CREBBP: variants seen among roughly 807,000 people sequenced by gnomAD.
The protein encoded by CREBBP is CREB-binding protein.
In CREBBP, 19 loss-of-function variants were observed where a neutral mutation model predicts 265.0. The observed-to-expected ratio is 0.07, with a 90% CI of 0.05 to 0.11. CREBBP has a LOEUF of 0.11. Ranked by LOEUF, CREBBP falls within the 10% of genes least tolerant of loss-of-function variation. The pLI is 1.00. For missense variants in CREBBP, 2,525 were observed against 3,219.0 expected (o/e 0.78, Z 5.22); for synonymous variants, 1,457 against 1,223.7 (o/e 1.19, Z -3.98).
chr16:3,778,041 T>C lies in CREBBP; in HGVS notation c.2083A>G (p.Ile695Val). 1 of 1,614,196 alleles carries C rather than the reference T, an allele frequency of 6.2e-7. No individual in the cohort carries two copies. The highest frequency in any genetic ancestry group is 8.5e-7 in the Non-Finnish European group (1 of 1,179,996). ...GGTCTCACAGGTTGTGCCTGTGGAA[T>C]CACAGGGGGCTGAGCCCCCGGGGCT... The part of the protein sequence containing the change: ...LPAPGAQPPV[I>V]PQAQPVRPPN... The change falls in exon 10 of 31, where the codon ATT becomes GTT. Residue 695 changes from isoleucine (I) to valine (V), a missense_variant. Around this residue, in one of 19 missense-constraint regions of CREBBP, gnomAD observed 548 missense variants for 533.0 expected, o/e 1.03. Transcript: ENST00000262367.
At chr16:3,748,104 A>AATAAATAC (rs1555476083) in intron 21 of CREBBP, among the ~76,000 whole-genome samples, 2 of 150,680 alleles carry the variant, frequency 1.3e-5, no homozygotes, top group South Asian at 2.1e-4. Context: ...AATAAAAATA[A>AATAAATAC]ATACATACAT....
intron 1 of CREBBP, among the ~76,000 whole-genome samples, chr16:3,867,176 T>C (rs1226885933): frequency 2.0e-5 from 3 of 152,096 alleles, no homozygotes; most frequent in Non-Finnish European, 2.9e-5. Context: ...ATTCCAGGAA[T>C]TGAGAAACAA....
In CREBBP at chr16:3,769,270, T is replaced by C. The variant is rs757724900; in HGVS notation, c.2964A>G (p.Pro988=). The C allele has an allele frequency of 7.4e-6, 12 of 1,614,054 alleles. No individual in the cohort carries two copies. The highest frequency in any genetic ancestry group is 2.7e-5 in the African/African-American group (2 of 74,912). Residue 988 remains proline, a synonymous_variant, in exon 15 of 31, where the codon CCA becomes CCG. Transcript: ENST00000262367. ...VASAETNSQQ[P]GPDVPVLEMK... ...TTTCCAGCACAGGTACGTCAGGTCC[T>C]GGCTGCTGGGAATTGGTTTCTGCGC...
chr16:3,825,118 T>C (rs1271496702), intron 2 of CREBBP, among the ~76,000 whole-genome samples: 2 of 152,184 alleles, frequency 1.3e-5, no homozygotes, highest in Non-Finnish European at 2.9e-5. Flanking sequence ...CAGGCATGCA[T>C]CCTTACTACA....
chr16:3,752,110 G>A (rs1186681334), intron 19 of CREBBP, among the ~76,000 whole-genome samples: 1 of 152,086 alleles, frequency 6.6e-6, no homozygotes, highest in Non-Finnish European at 1.5e-5. Context: ...ACACATCACA[G>A]GCCATCATCA....
At chr16:3,751,848 T>A in intron 19 of CREBBP, 42 bp from the exon 20 acceptor site, 1 of 1,592,912 alleles carries the variant, frequency 6.3e-7, no homozygotes, top group Non-Finnish European at 8.6e-7. Context: ...TGGTCCATCA[T>A]AACACACAGC....
rs760841854 is a variant in CREBBP, at chr16:3,774,553, G to A, written c.2283+16C>T. The A allele has an allele frequency of 1.5e-5, 25 of 1,613,866 alleles. No individual in the cohort carries two copies. Among genetic ancestry groups the A allele is most frequent in the East Asian group, 1.1e-4 (5 of 44,892 alleles). On this transcript the variant is annotated intron_variant, in intron 12 of 30. Transcript: ENST00000262367. ...GAGGGAGGGCTATCTGCAGCACAGC[G>A]AAAGAGAACACTTACCCCTGGCACT...
chr16:3,852,160 T>G (rs1192604189), intron 1 of CREBBP, among the ~76,000 whole-genome samples: 3 of 92,578 alleles, frequency 3.2e-5, no homozygotes, highest in Non-Finnish European at 4.5e-5. Context: ...TAAATTTGTT[T>G]TTTTTTTTTT....
At chr16:3,802,491 T>C (rs555921828) in intron 3 of CREBBP, among the ~76,000 whole-genome samples, 10 of 152,242 alleles carry the variant, frequency 6.6e-5, no homozygotes, top group African/African-American at 2.4e-4. Flanking sequence ...TATTGCTACA[T>C]AGGTTTTGGG....
rs372005280 is a variant in CREBBP at position 3,727,825 on chromosome 16, T to A, written c.7222A>T (p.Met2408Leu). 6.2e-7 allele frequency: 1 copy of A among 1,614,104 alleles called. No homozygotes were observed. Among genetic ancestry groups the A allele is most frequent in the Non-Finnish European group, 8.5e-7 (1 of 1,180,024 alleles). Residue 2408 changes from methionine (M) to leucine (L), a missense_variant, in exon 31 of 31, where the codon ATG becomes TTG. Physicochemically the swap from Met to Leu is conservative, Grantham distance 15. Transcript: ENST00000262367. The part of the protein sequence containing the change: ...GHLGNPEQSA[M>L]LPQLNTPSRS... Reference sequence around the variant, plus strand: ...CTGGGGGTGTTCAGCTGGGGGAGCATTGCACTCTGTTCGGGGTTCCCCAAG... The same window carrying A: ...CTGGGGGTGTTCAGCTGGGGGAGCAATGCACTCTGTTCGGGGTTCCCCAAG...
Position 3,729,382 on chromosome 16 carries a change from G to T in CREBBP, c.5665C>A (p.Pro1889Thr), listed in dbSNP as rs2151309150. Residue 1889 changes from proline to threonine, a missense_variant, in exon 31 of 31, where the codon CCG becomes ACG. Pro to Thr is a conservative substitution (Grantham distance 38, BLOSUM62 -1). Around this residue, in one of 19 missense-constraint regions of CREBBP, gnomAD observed 53 missense variants for 146.3 expected, o/e 0.36. Transcript: ENST00000262367. The part of the protein sequence containing the change: ...QQSLPSPTSA[P>T]PGTPTQQPST... ...GGCTGCTGTGTGGGGGTCCCGGGCGGTGCTGAGGTAGGAGAAGGCAGACTC... is the reference window on the plus strand; with the variant it reads ...GGCTGCTGTGTGGGGGTCCCGGGCGTTGCTGAGGTAGGAGAAGGCAGACTC... 1 of 1,610,516 alleles carries T rather than the reference G, an allele frequency of 6.2e-7. No individual in the cohort carries two copies. Among genetic ancestry groups the T allele is most frequent in the Non-Finnish European group, 8.5e-7 (1 of 1,179,782 alleles).
At chr16:3,785,224 T>C (rs1309081815) in intron 5 of CREBBP, among the ~76,000 whole-genome samples, 3 of 152,206 alleles carry the variant, frequency 2.0e-5, no homozygotes, top group African/African-American at 7.2e-5. Context: ...CATGGTGGTA[T>C]TCCCAATCCC....
At chr16:3,730,025 T>C in intron 30 of CREBBP, 151 bp from the exon 31 acceptor site, 1 of 1,324,176 alleles carries the variant, frequency 7.6e-7, no homozygotes, top group Non-Finnish European at 1.0e-6. Flanking sequence ...CACGGACAGG[T>C]GGGAGACCCG....
At position 3,803,848 on chromosome 16, in the gene CREBBP, A is replaced by G. The variant is rs1196311529; in HGVS notation, c.975+6755T>C. Among the ~76,000 whole-genome samples the G allele has an allele frequency of 3.9e-5, 6 of 152,254 alleles. No individual in the cohort carries two copies. The East Asian group carries it at 9.7e-4, about 25-fold the overall frequency. On this transcript the variant is annotated intron_variant, in intron 3 of 30. Transcript: ENST00000262367. ...GTGATGCTAGCACTTTGGGAGGCCC[A>G]GGTGGGTGGATCTCCTGAGCTCAGG...
chr16:3,768,136 G>GGT (rs2052904875), intron 15 of CREBBP, among the ~76,000 whole-genome samples: 1 of 51,590 alleles, frequency 1.9e-5, no homozygotes, highest in Admixed American at 3.7e-4. Context: ...ATTTAAAAGT[G>GGT]TTTTTTTTTT....
At chr16:3,837,613 C>CA (rs1024399711) in intron 2 of CREBBP, among the ~76,000 whole-genome samples, 64 of 145,614 alleles carry the variant, frequency 4.4e-4, no homozygotes, top group Admixed American at 8.3e-4. Flanking sequence ...AAGACTGTCT[C>CA]AAAAAAAATA....
At chr16:3,807,124 C>T (rs534803255) in intron 3 of CREBBP, among the ~76,000 whole-genome samples, 181 of 152,284 alleles carry the variant, frequency 1.2e-3, no homozygotes, top group African/African-American at 3.4e-3. Flanking sequence ...TTCTGGGGAG[C>T]CGACTCCAGC....
At chr16:3,803,686 G>A (rs2053771727) in intron 3 of CREBBP, among the ~76,000 whole-genome samples, 1 of 152,050 alleles carries the variant, frequency 6.6e-6, no homozygotes, top group African/African-American at 2.4e-5. Context: ...CGAGGGACTT[G>A]CCACTCCCTC....
rs28525580 is a variant in CREBBP, at chr16:3,734,793, G to A, written c.4728+1243C>T. Among the ~76,000 whole-genome samples, 725 of 152,218 alleles carry A rather than the reference G, an allele frequency of 4.8e-3. 6 individuals are homozygous for A. The highest frequency in any genetic ancestry group is 0.016 in the African/African-American group (673 of 41,526). On this transcript the variant is annotated intron_variant, in intron 28 of 30. Transcript: ENST00000262367. ...TGCAGTGAGCACGAGTGTGTGTGGC[G>A]GAAGCGGCCCAGGCCCCACGCTCCG...
Sources: allele counts gnomAD v4.1 joint callset (sites outside exome capture counted in the v4.1 genomes callset), GRCh38; gene constraint gnomAD v4.1.1; regional missense constraint gnomAD v4.1.1; transcripts MANE v1.5; gene names NCBI Gene and HGNC (gene_info 2026-07-23, HGNC 2026-07-21).